The following NUDCD1 variants were observed in gnomAD, a reference collection of about 807,000 sequenced individuals.
The protein encoded by NUDCD1 is NudC domain containing 1.
In NUDCD1, 60 loss-of-function variants were observed where a neutral mutation model predicts 67.8. That is an observed-to-expected ratio of 0.88 (90% CI 0.72 to 1.10). The LOEUF (loss-of-function observed/expected upper bound fraction) is 1.10, where lower values mean the gene tolerates loss of function less well. Ranked by LOEUF, NUDCD1 falls within the 50% of genes least tolerant of loss-of-function variation. NUDCD1 has a pLI of 0.00. For missense variants in NUDCD1, 643 were observed against 695.0 expected (o/e 0.93, Z 0.84); for synonymous variants, 244 against 230.8 (o/e 1.06, Z -0.52).
intron 2 of NUDCD1, among the ~76,000 whole-genome samples, chr8:109,306,042 C>G (rs561871942): frequency 2.2e-4 from 33 of 152,334 alleles, no homozygotes; most frequent in Admixed American, 7.2e-4. Context: ...ACTCTCACTA[C>G]TTGGACTGCA....
At chr8:109,317,635 TAA>T (rs1194616614) in intron 2 of NUDCD1, among the ~76,000 whole-genome samples, 2 of 152,206 alleles carry the variant, frequency 1.3e-5, no homozygotes, top group Non-Finnish European at 2.9e-5. Context: ...CTCTATGCAA[TAA>T]AAGTTACCTG....
intron 8 of NUDCD1, among the ~76,000 whole-genome samples, chr8:109,252,274 C>T (rs1397733582): frequency 6.6e-6 from 1 of 152,072 alleles, no homozygotes; most frequent in Non-Finnish European, 1.5e-5. Flanking sequence ...GAGATACTGC[C>T]CTCCTCCAGT....
chr8:109,283,261 T>A (rs948712301), intron 5 of NUDCD1, among the ~76,000 whole-genome samples: 2 of 152,050 alleles, frequency 1.3e-5, no homozygotes, highest in African/African-American at 2.4e-5. Flanking sequence ...AAAAGAATTT[T>A]AAAAAAATGA....
chr8:109,307,616 A>C (rs1815140840), intron 2 of NUDCD1, among the ~76,000 whole-genome samples: 1 of 152,248 alleles, frequency 6.6e-6, no homozygotes, highest in Admixed American at 6.5e-5. Flanking sequence ...GAGCATGATG[A>C]CTAGAATGGT....
intron 1 of NUDCD1, among the ~76,000 whole-genome samples, chr8:109,325,169 G>A (rs1815647920): frequency 6.6e-6 from 1 of 152,040 alleles, no homozygotes; most frequent in Non-Finnish European, 1.5e-5. Flanking sequence ...GAGGGAGAGA[G>A]TAGAAAGATA....
intron 1 of NUDCD1, among the ~76,000 whole-genome samples, chr8:109,325,247 A>G (rs1359100102): frequency 6.6e-6 from 1 of 152,160 alleles, no homozygotes; most frequent in Non-Finnish European, 1.5e-5. Flanking sequence ...ACAAACATAC[A>G]ATTAAAAGGA....
At chr8:109,317,587 G>A (rs1319006495) in intron 2 of NUDCD1, among the ~76,000 whole-genome samples, 2 of 152,234 alleles carry the variant, frequency 1.3e-5, no homozygotes, top group Admixed American at 6.5e-5. Context: ...CAGTTAGTAC[G>A]TGTAAAGTGT....
At chr8:109,292,804 C>G (rs938848640) in intron 4 of NUDCD1, among the ~76,000 whole-genome samples, 78 of 152,014 alleles carry the variant, frequency 5.1e-4, no homozygotes, top group African/African-American at 1.8e-3. Flanking sequence ...TCAAACAGAC[C>G]AAAGTTCAGG....
intron 2 of NUDCD1, among the ~76,000 whole-genome samples, chr8:109,321,123 G>C (rs532421675): frequency 2.2e-4 from 34 of 152,270 alleles, no homozygotes; most frequent in Admixed American, 5.2e-4. Context: ...AAGAATTTTA[G>C]CAAGTGATAA....
At chr8:109,310,808 TTC>T (rs1491106984) in intron 2 of NUDCD1, among the ~76,000 whole-genome samples, 5 of 134,710 alleles carry the variant, frequency 3.7e-5, no homozygotes, top group African/African-American at 1.4e-4. Context: ...GAATAGACAA[TTC>T]TTTTTTTTTT....
chr8:109,325,276 T>C (rs1331757264), intron 1 of NUDCD1, among the ~76,000 whole-genome samples: 1 of 152,108 alleles, frequency 6.6e-6, no homozygotes, highest in Admixed American at 6.5e-5. Context: ...TCATGTTTGA[T>C]AGCACAGTTG....
chr8:109,302,511 C>T (rs1012658209), intron 2 of NUDCD1, among the ~76,000 whole-genome samples: 15 of 152,092 alleles, frequency 9.9e-5, no homozygotes, highest in Non-Finnish European at 1.8e-4. Flanking sequence ...CAAGCCAGGT[C>T]CCAACTCTTC....
At chr8:109,326,291 C>T (rs1815680619) in intron 1 of NUDCD1, among the ~76,000 whole-genome samples, 1 of 152,122 alleles carries the variant, frequency 6.6e-6, no homozygotes, top group African/African-American at 2.4e-5. Context: ...TTTGTAAAAT[C>T]TCTATTAACG....
chr8:109,260,417 T>C (rs1586256976), intron 8 of NUDCD1, among the ~76,000 whole-genome samples: 1 of 152,168 alleles, frequency 6.6e-6, no homozygotes, highest in African/African-American at 2.4e-5. Context: ...CCTAGGCTGG[T>C]CCTGACCTCC....
At chr8:109,265,032 C>G (rs900575061) in intron 8 of NUDCD1, among the ~76,000 whole-genome samples, 4 of 151,836 alleles carry the variant, frequency 2.6e-5, no homozygotes, top group African/African-American at 9.7e-5. Context: ...GAGGTAAAGA[C>G]AGGCAAAGTA....
intron 8 of NUDCD1, among the ~76,000 whole-genome samples, chr8:109,264,376 A>G (rs1813941621): frequency 6.6e-6 from 1 of 152,218 alleles, no homozygotes; most frequent in Non-Finnish European, 1.5e-5. Context: ...TGAGGATAAT[A>G]GCCTGCCAAT....
chr8:109,276,812 T>C (rs1480521693), intron 6 of NUDCD1, among the ~76,000 whole-genome samples: 1 of 152,110 alleles, frequency 6.6e-6, no homozygotes, highest in East Asian at 1.9e-4. Flanking sequence ...GGCCACGCCA[T>C]CATGCCCACC....
chr8:109,266,839 T>G (rs1352426312), intron 8 of NUDCD1, among the ~76,000 whole-genome samples: 2 of 152,184 alleles, frequency 1.3e-5, no homozygotes, highest in Non-Finnish European at 2.9e-5. Flanking sequence ...CTTCATTTAT[T>G]TATTTAACAT....
chr8:109,285,910 C>T (rs1021668844), intron 5 of NUDCD1, among the ~76,000 whole-genome samples: 1 of 152,092 alleles, frequency 6.6e-6, no homozygotes, highest in African/African-American at 2.4e-5. Context: ...AAAGATTCCA[C>T]CAAAAGGCTC....
Sources: allele counts gnomAD v4.1 joint callset (sites outside exome capture counted in the v4.1 genomes callset), GRCh38; gene constraint gnomAD v4.1.1; transcripts MANE v1.5; gene names NCBI Gene and HGNC (gene_info 2026-07-23, HGNC 2026-07-21).